MBTD1: variants seen among roughly 807,000 people sequenced by gnomAD.
MBTD1 encodes mbt domain containing 1.
In MBTD1, 24 loss-of-function variants were observed where a neutral mutation model predicts 87.8. That is an observed-to-expected ratio of 0.27 (90% confidence interval 0.20 to 0.38). The LOEUF is 0.38. MBTD1 is among the 10% of genes least tolerant of loss of function. The pLI is 1.00. For synonymous variants in MBTD1, 237 were observed against 248.6 expected, an observed-to-expected ratio of 0.95 and a Z score of 0.44; for missense variants, 436 against 760.2, an observed-to-expected ratio of 0.57 and a Z score of 5.02.
At chr17:51,257,765 C>T (rs965308479) in intron 2 of MBTD1, among the ~76,000 whole-genome samples, 2 of 152,078 alleles carry the variant, frequency 1.3e-5, no homozygotes, top group East Asian at 1.9e-4. Context: ...TATTATTACA[C>T]CTCTACTGAT....
In MBTD1 at chr17:51,179,504, A is replaced by ATATATATATATATATATATATATT. The variant is rs2050218197; in HGVS notation, c.*1071_*1072insAATATATATATATATATATATATA. ...CAATTTTATATATATATATATATAT[A>ATATATATATATATATATATATATT]TATATATATATATATATATATATAT... On this transcript the variant is annotated 3_prime_UTR_variant, in exon 17 of 17. Coordinates refer to ENST00000586178, the MANE Select transcript of MBTD1 (RefSeq NM_017643.3). 1 of 80,220 alleles carries ATATATATATATATATATATATATT rather than the reference A, an allele frequency of 1.2e-5. No homozygotes were observed. The highest frequency in any genetic ancestry group is 2.6e-5 in the Non-Finnish European group (1 of 38,334). 5.0% of individuals were successfully genotyped at this position (80,220 alleles called of 1,614,324 possible).
intron 2 of MBTD1, among the ~76,000 whole-genome samples, chr17:51,237,762 TAAAC>T (rs1203465379): frequency 2.0e-5 from 3 of 152,166 alleles, no homozygotes; most frequent in Non-Finnish European, 4.4e-5. Context: ...CTTAAAAAGT[TAAAC>T]AACCACCTAC....
At chr17:51,236,250 T>C (rs992206465) in intron 2 of MBTD1, among the ~76,000 whole-genome samples, 30 of 152,178 alleles carry the variant, frequency 2.0e-4, no homozygotes, top group African/African-American at 6.3e-4. Context: ...ACTATGTTTT[T>C]GTTTTTATTT....
chr17:51,222,684 C>T (rs1402806093), intron 3 of MBTD1, among the ~76,000 whole-genome samples: 1 of 152,132 alleles, frequency 6.6e-6, no homozygotes, highest in Non-Finnish European at 1.5e-5. Flanking sequence ...AGGTGTGAGC[C>T]ACCAACGCCC....
At chr17:51,246,797 A>G (rs1298500881) in intron 2 of MBTD1, among the ~76,000 whole-genome samples, 2 of 151,526 alleles carry the variant, frequency 1.3e-5, no homozygotes, top group African/African-American at 4.9e-5. Context: ...CACCACACCC[A>G]GATAATTTTT....
chr17:51,230,517 G>C (rs372611048), intron 2 of MBTD1, among the ~76,000 whole-genome samples: 42 of 152,320 alleles, frequency 2.8e-4, no homozygotes, highest in African/African-American at 9.9e-4. Context: ...AAGGCTGTGT[G>C]AGGGCAGAGT....
At chr17:51,234,237 AC>A (rs2053697523) in intron 2 of MBTD1, among the ~76,000 whole-genome samples, 1 of 151,900 alleles carries the variant, frequency 6.6e-6, no homozygotes, top group Non-Finnish European at 1.5e-5. Context: ...TACTAAAAAT[AC>A]AAATACTAGC....
At chr17:51,209,265 C>A in intron 6 of MBTD1, 1 of 428,632 alleles carries the variant, frequency 2.3e-6, no homozygotes. Context: ...TCTGGATTGG[C>A]ATAGCATGAA....
intron 3 of MBTD1, among the ~76,000 whole-genome samples, chr17:51,222,127 T>C (rs1031245490): frequency 3.9e-5 from 6 of 152,194 alleles, no homozygotes; most frequent in African/African-American, 7.2e-5. Context: ...AAACTAGAAT[T>C]CCCACAAGTA....
intron 7 of MBTD1, among the ~76,000 whole-genome samples, chr17:51,204,294 T>C (rs2051674539): frequency 6.6e-6 from 1 of 152,014 alleles, no homozygotes; most frequent in African/African-American, 2.4e-5. Context: ...TCTTGCTCTG[T>C]TGCCTAGGCT....
In MBTD1 at chr17:51,205,149, G is replaced by C. The variant is rs539508547; in HGVS notation, c.605-1224C>G. The stretch of plus-strand genomic sequence containing the variant: ...GCCAATATATGTGTATTTCAGGTTA[G>C]GAGACAAGTTTAGTCAGCATTTTCA... On this transcript the variant is annotated intron_variant, in intron 7 of 16. Transcript: ENST00000586178. Among the ~76,000 whole-genome samples, 3 of 152,248 alleles carry C rather than the reference G, an allele frequency of 2.0e-5. No homozygotes were observed. The East Asian group carries it at 5.8e-4, about 29-fold the overall frequency.
chr17:51,209,801 T>C (rs781625417), intron 6 of MBTD1, among the ~76,000 whole-genome samples: 1 of 152,082 alleles, frequency 6.6e-6, no homozygotes, highest in Non-Finnish European at 1.5e-5. Flanking sequence ...AGATGGCAAA[T>C]GTACAAAAAG....
In MBTD1 at chr17:51,215,945, T is replaced by G. The variant is rs558297048; in HGVS notation, c.486+1389A>C. Among the ~76,000 whole-genome samples, 3 of 149,240 alleles carry G rather than the reference T, an allele frequency of 2.0e-5. No individual in the cohort carries two copies. In the South Asian group the frequency reaches 6.4e-4, roughly 32 times the overall value. On this transcript the variant is annotated intron_variant, in intron 6 of 16. Transcript: ENST00000586178. ...AGCCCTAATTTTTTTTTTTTTTTTT[T>G]TTTTGAGACTGAGTGTCGCTCTATT...
chr17:51,232,768 T>C (rs1166866808), intron 2 of MBTD1, among the ~76,000 whole-genome samples: 1 of 152,092 alleles, frequency 6.6e-6, no homozygotes, highest in African/African-American at 2.4e-5. Context: ...CCAGGCACAG[T>C]GGCTCATGTC....
intron 2 of MBTD1, among the ~76,000 whole-genome samples, chr17:51,229,405 C>T (rs1434206782): frequency 6.6e-6 from 1 of 152,004 alleles, no homozygotes. Context: ...GCTAGTATTA[C>T]ATGACCAGTA....
intron 16 of MBTD1, chr17:51,184,622 T>G (rs1025976921): frequency 2.0e-5 from 3 of 152,230 alleles, no homozygotes; most frequent in African/African-American, 7.2e-5. Flanking sequence ...TCTAAATTCT[T>G]GGGTTTTGCC....
intron 2 of MBTD1, among the ~76,000 whole-genome samples, chr17:51,229,991 A>C (rs1044660693): frequency 4.6e-5 from 7 of 152,140 alleles, no homozygotes; most frequent in African/African-American, 1.7e-4. Flanking sequence ...TTTAGATACA[A>C]TTTTAAAAAG....
At chr17:51,230,119 T>C (rs1384217850) in intron 2 of MBTD1, among the ~76,000 whole-genome samples, 2 of 152,232 alleles carry the variant, frequency 1.3e-5, no homozygotes, top group East Asian at 3.8e-4. Flanking sequence ...CTTTTAGGTA[T>C]TTCTATAAAT....
At chr17:51,233,917 T>C (rs1352347308) in intron 2 of MBTD1, among the ~76,000 whole-genome samples, 2 of 151,938 alleles carry the variant, frequency 1.3e-5, no homozygotes, top group Non-Finnish European at 2.9e-5. Context: ...TTTCTAAAAA[T>C]TCTTACCAGA....
Sources: allele counts gnomAD v4.1 joint callset (sites outside exome capture counted in the v4.1 genomes callset), GRCh38; gene constraint gnomAD v4.1.1; transcripts MANE v1.5; gene names NCBI Gene and HGNC (gene_info 2026-07-23, HGNC 2026-07-21).